The following CORO2B variants were observed in gnomAD, a reference collection of about 807,000 sequenced individuals.
The protein encoded by CORO2B is coronin 2B.
In CORO2B, 26 loss-of-function variants were observed where a neutral mutation model predicts 58.8. That is an observed-to-expected ratio of 0.44 (90% confidence interval 0.32 to 0.61). The LOEUF is 0.61. Among genes scored for constraint, CORO2B ranks in the 20% least tolerant of loss-of-function variants. The pLI is 0.04. For synonymous variants in CORO2B, 242 were observed against 253.8 expected (o/e 0.95, Z 0.44); for missense variants, 460 against 645.1 (o/e 0.71, Z 3.11).
intron 1 of CORO2B, among the ~76,000 whole-genome samples, chr15:68,608,981 A>G (rs1900186627): frequency 6.6e-6 from 1 of 152,244 alleles, no homozygotes; most frequent in South Asian, 2.1e-4. Flanking sequence ...ACTCAAACTC[A>G]GACCCTATCC....
chr15:68,710,926 G>A lies in CORO2B; in HGVS notation c.483+45G>A, dbSNP rs771954743. ...CTGGGTGGAGAGGGATTGGGGAAGA[G>A]AAAGGGGCCTTTTGGGTACCCGTAG... On this transcript the variant is annotated intron_variant, in intron 4 of 11. Transcript: ENST00000261861. This position sits in a 1 kb window ranked among gnomAD's most constrained non-coding sequence, Gnocchi z 4.1. 2 of 1,542,272 alleles carry A rather than the reference G, an allele frequency of 1.3e-6. No homozygotes were observed. The highest frequency in any genetic ancestry group is 4.7e-5 in the East Asian group (2 of 42,982).
At chr15:68,523,779 C>T in the CORO2B span, among the ~76,000 whole-genome samples, 1 of 152,180 alleles carries the variant, frequency 6.6e-6, no homozygotes, top group Non-Finnish European at 1.5e-5. Flanking sequence ...TAAACCCTAC[C>T]AGGCCCTGCA....
At chr15:68,559,090 G>T in the CORO2B span, among the ~76,000 whole-genome samples, 1 of 152,094 alleles carries the variant, frequency 6.6e-6, no homozygotes. The surrounding 1 kb of genome is among the most constrained non-coding windows in gnomAD (Gnocchi z 4.3). Context: ...TAAATACCTA[G>T]AAATGCGCGA....
chr15:68,603,041 C>T (rs1900022526), intron 1 of CORO2B, among the ~76,000 whole-genome samples: 1 of 152,132 alleles, frequency 6.6e-6, no homozygotes, highest in Non-Finnish European at 1.5e-5. Flanking sequence ...GAGCCCCCTG[C>T]TCAAGGATGG....
intron 1 of CORO2B, among the ~76,000 whole-genome samples, chr15:68,604,265 G>A (rs1413449772): frequency 6.6e-6 from 1 of 152,108 alleles, no homozygotes; most frequent in Non-Finnish European, 1.5e-5. Context: ...CTTCCTGAGA[G>A]CAGCTCTCAG....
intron 2 of CORO2B, among the ~76,000 whole-genome samples, chr15:68,652,077 T>G (rs543206186): frequency 2.0e-5 from 3 of 152,280 alleles, no homozygotes; most frequent in Admixed American, 2.0e-4. Context: ...CAGCCGGGCA[T>G]ACAGTATGGA....
intron 3 of CORO2B, among the ~76,000 whole-genome samples, chr15:68,701,611 G>A (rs1049787795): frequency 6.8e-6 from 1 of 146,524 alleles, no homozygotes; most frequent in Non-Finnish European, 1.5e-5. Flanking sequence ...TCAGCCTCCC[G>A]TGTAGCTGGG....
intron 2 of CORO2B, among the ~76,000 whole-genome samples, chr15:68,666,671 G>A (rs1305594623): frequency 6.6e-6 from 1 of 152,152 alleles, no homozygotes; most frequent in African/African-American, 2.4e-5. Context: ...GCGGCTGTGG[G>A]CACTGGGGGT....
At chr15:68,638,063 A>T (rs1901089261) in intron 1 of CORO2B, among the ~76,000 whole-genome samples, 1 of 152,180 alleles carries the variant, frequency 6.6e-6, no homozygotes, top group Admixed American at 6.5e-5. Context: ...TGCAAAATGA[A>T]TACTTTTTCC....
chr15:68,656,983 G>A (rs1487287300), intron 2 of CORO2B, among the ~76,000 whole-genome samples: 3 of 152,098 alleles, frequency 2.0e-5, no homozygotes, highest in African/African-American at 7.2e-5. Flanking sequence ...CAGTCCCCCC[G>A]ATCCCCAGTT....
At chr15:68,626,359 T>G (rs116393778) in intron 1 of CORO2B, among the ~76,000 whole-genome samples, 3,928 of 151,690 alleles carry the variant, frequency 0.026, 188 homozygotes, top group African/African-American at 0.091. Context: ...TTCTTAAAGA[T>G]CCTGACTTTT....
At chr15:68,578,172 G>C (rs1899324745), upstream of CORO2B, among the ~76,000 whole-genome samples, 1 of 152,076 alleles carries the variant, frequency 6.6e-6, no homozygotes, top group African/African-American at 2.4e-5. The surrounding 1 kb of genome is among the most constrained non-coding windows in gnomAD (Gnocchi z 4.2). Context: ...CCCGAGTCAG[G>C]ATTGGATCAA....
At chr15:68,678,589 A>G (rs1209450481) in intron 2 of CORO2B, among the ~76,000 whole-genome samples, 1 of 152,186 alleles carries the variant, frequency 6.6e-6, no homozygotes, top group Non-Finnish European at 1.5e-5. Flanking sequence ...CAGGAGAATC[A>G]TTTGAACCCA....
intron 11 of CORO2B, among the ~76,000 whole-genome samples, chr15:68,724,380 A>G (rs920408316): frequency 1.3e-5 from 2 of 152,176 alleles, no homozygotes; most frequent in Non-Finnish European, 2.9e-5. Flanking sequence ...AGGTAGAAAA[A>G]TAATTTAAAG....
At chr15:68,711,210 A>G (rs530700874) in intron 4 of CORO2B, among the ~76,000 whole-genome samples, 1 of 152,232 alleles carries the variant, frequency 6.6e-6, no homozygotes, top group East Asian at 1.9e-4. Flanking sequence ...GCTGGAGGGC[A>G]AAAAGTGGAG....
chr15:68,583,210 A>G (rs750363748), intron 1 of CORO2B, among the ~76,000 whole-genome samples: 1 of 152,194 alleles, frequency 6.6e-6, no homozygotes, highest in Non-Finnish European at 1.5e-5. Flanking sequence ...AGGTAATAGC[A>G]GGCCTGCATT....
At chr15:68,537,878 T>C in the CORO2B span, among the ~76,000 whole-genome samples, 3 of 152,210 alleles carry the variant, frequency 2.0e-5, no homozygotes, top group Non-Finnish European at 4.4e-5. Flanking sequence ...TATCTGGTCT[T>C]GTACAGAAAA....
intron 3 of CORO2B, among the ~76,000 whole-genome samples, chr15:68,700,643 C>G (rs1446885677): frequency 6.6e-6 from 1 of 152,212 alleles, no homozygotes; most frequent in East Asian, 1.9e-4. Flanking sequence ...CTGGCAGAAT[C>G]CAGTTCTTTC....
At chr15:68,639,389 C>G (rs1348345195) in intron 1 of CORO2B, among the ~76,000 whole-genome samples, 1 of 152,156 alleles carries the variant, frequency 6.6e-6, no homozygotes, top group Non-Finnish European at 1.5e-5. Flanking sequence ...GAAATAAGTG[C>G]CAAAAGCATT....
Sources: allele counts gnomAD v4.1 joint callset (sites outside exome capture counted in the v4.1 genomes callset), GRCh38; gene constraint gnomAD v4.1.1; non-coding constraint Gnocchi (gnomAD v3.1); transcripts MANE v1.5; gene names NCBI Gene and HGNC (gene_info 2026-07-23, HGNC 2026-07-21).